Variants in ADGRV1 observed in about 807,000 individuals in gnomAD.
ADGRV1 encodes the protein adhesion G protein-coupled receptor V1.
In ADGRV1, 359 loss-of-function variants were observed where a neutral mutation model predicts 596.2. The ratio of observed to expected loss-of-function variants is 0.60; its 90% CI spans 0.55 to 0.66. ADGRV1 has a LOEUF of 0.66. ADGRV1 is among the 30% of genes least tolerant of loss of function. The pLI is 0.00. For missense variants in ADGRV1, 7,274 were observed against 7,575.6 expected (o/e 0.96, Z 1.48); for synonymous variants, 2,681 against 2,679.2 (o/e 1.00, Z -0.02).
At chr5:90,764,662 C>A (rs1756896636) in intron 59 of ADGRV1, among the ~76,000 whole-genome samples, 1 of 152,130 alleles carries the variant, frequency 6.6e-6, no homozygotes, top group South Asian at 2.1e-4. Flanking sequence ...GGGTTTAGAT[C>A]TTCAGAAGTC....
intron 50 of ADGRV1, among the ~76,000 whole-genome samples, chr5:90,741,414 C>A (rs757335718): frequency 6.6e-6 from 1 of 152,026 alleles, no homozygotes; most frequent in Non-Finnish European, 1.5e-5. Context: ...AATTATGTAT[C>A]TTTCATCATA....
intron 1 of ADGRV1, among the ~76,000 whole-genome samples, chr5:90,606,794 T>G (rs1762160760): frequency 6.6e-6 from 1 of 150,886 alleles, no homozygotes; most frequent in Non-Finnish European, 1.5e-5. Context: ...GGTATTCCCC[T>G]TTATATCATC....
intron 89 of ADGRV1, among the ~76,000 whole-genome samples, chr5:91,155,383 G>A (rs1224876055): frequency 6.6e-6 from 1 of 152,128 alleles, no homozygotes; most frequent in East Asian, 1.9e-4. Context: ...GTGTGGCAGG[G>A]GCAGAGAGTG....
At chr5:90,809,326 A>ACACACACACACACG (rs1762227988) in intron 73 of ADGRV1, among the ~76,000 whole-genome samples, 1 of 151,436 alleles carries the variant, frequency 6.6e-6, no homozygotes, top group African/African-American at 2.4e-5. Flanking sequence ...ACACACACAC[A>ACACACACACACACG]CGCTCTGTCT....
intron 85 of ADGRV1, among the ~76,000 whole-genome samples, chr5:91,024,087 C>T (rs1783844350): frequency 6.6e-6 from 1 of 152,124 alleles, no homozygotes; most frequent in Admixed American, 6.5e-5. Flanking sequence ...GTTCTGAAAT[C>T]TCCCCAGCTG....
At position 90,642,840 on chromosome 5, in the gene ADGRV1, G is replaced by A; in HGVS notation, c.2368-16G>A. 1 of 1,596,846 alleles carries A rather than the reference G, an allele frequency of 6.3e-7. No individual in the cohort carries two copies. Among genetic ancestry groups the A allele is most frequent in the Non-Finnish European group, 8.5e-7 (1 of 1,173,294 alleles). ...GATCTCAAAGGGTTTCAACTTTTGT[G>A]GATTTGTTTTTAAAGGAAGGAGAAT... On this transcript the variant is annotated splice_polypyrimidine_tract_variant and intron_variant, in intron 12 of 89. Coordinates refer to ENST00000405460, the MANE Select transcript of ADGRV1 (RefSeq NM_032119.4).
At chr5:90,889,025 G>A (rs1189448193) in intron 83 of ADGRV1, among the ~76,000 whole-genome samples, 2 of 152,078 alleles carry the variant, frequency 1.3e-5, no homozygotes, top group Non-Finnish European at 2.9e-5. Flanking sequence ...TGTTGAATAA[G>A]GTGTGTACAA....
intron 78 of ADGRV1, among the ~76,000 whole-genome samples, chr5:90,843,875 G>T (rs1409691573): frequency 1.3e-5 from 2 of 152,068 alleles, no homozygotes; most frequent in African/African-American, 4.8e-5. Flanking sequence ...AAAAGTGCAA[G>T]AAATACATAT....
intron 85 of ADGRV1, among the ~76,000 whole-genome samples, chr5:91,062,641 T>TA (rs1787543358): frequency 6.6e-6 from 1 of 152,200 alleles, no homozygotes; most frequent in African/African-American, 2.4e-5. Context: ...AGATCTGCGG[T>TA]ATCCTCTGTC....
At chr5:90,631,601 G>T (rs1227980623) in intron 9 of ADGRV1, among the ~76,000 whole-genome samples, 1 of 152,060 alleles carries the variant, frequency 6.6e-6, no homozygotes, top group Non-Finnish European at 1.5e-5. Context: ...TTCATGTGAT[G>T]CGAGCTTCTG....
chr5:90,725,730 G>T lies in ADGRV1; in HGVS notation c.10161+74G>T, dbSNP rs191390477. ...ACATTATAATTGAAATTTACCAAAG[G>T]TATGGTCTGCTGGTTTAGTATAAAA... On this transcript the variant is annotated intron_variant, in intron 48 of 89. Coordinates refer to ENST00000405460, the MANE Select transcript of ADGRV1 (RefSeq NM_032119.4). 3.5e-5 allele frequency: 30 copies of T among 848,102 alleles called. No homozygotes were observed. The African/African-American group carries it at 4.5e-4, about 13-fold the overall frequency. The allele number at this position is 848,102 out of a possible 1,614,324, so 52.5% of individuals were successfully genotyped here. A position where few individuals can be genotyped will look rare whatever the true frequency, so the allele number is the denominator to read the frequency against.
chr5:91,021,344 T>C (rs1028300509), intron 85 of ADGRV1, among the ~76,000 whole-genome samples: 11 of 152,112 alleles, frequency 7.2e-5, no homozygotes, highest in Admixed American at 4.6e-4. Flanking sequence ...CCTACTGTCT[T>C]TCCCTTGGTG....
chr5:90,774,232 T>A lies in ADGRV1; in HGVS notation c.12332T>A (p.Val4111Glu). The A allele has an allele frequency of 6.2e-7, 1 of 1,611,598 alleles. No homozygotes were observed. The highest frequency in any genetic ancestry group is 8.5e-7 in the Non-Finnish European group (1 of 1,177,928). The change falls in exon 60 of 90, where the codon GTG (valine) becomes GAG (glutamate). Residue 4111 changes from valine (V) to glutamate (E), a missense_variant. Physicochemically the swap from Val to Glu is moderately radical, Grantham distance 121 (BLOSUM62 -2). Transcript: ENST00000405460. ...GTGTTGCACACACTTCAAGACACAG[T>A]GTTGGAGGAGGACAGGCGTTTCACC... ...TIVLHTLQDT[V>E]LEEDRRFTIQ...
chr5:90,757,763 T>C (rs1276591891), intron 57 of ADGRV1, among the ~76,000 whole-genome samples: 1 of 152,230 alleles, frequency 6.6e-6, no homozygotes, highest in African/African-American at 2.4e-5. Flanking sequence ...TTGTAATATG[T>C]AAGAATAAGA....
intron 85 of ADGRV1, among the ~76,000 whole-genome samples, chr5:91,032,004 A>C (rs1272928451): frequency 1.3e-5 from 2 of 151,556 alleles, no homozygotes; most frequent in African/African-American, 2.5e-5. Flanking sequence ...GGAGAATCAG[A>C]AGTGCCACAT....
rs538182313 is a variant in ADGRV1, at chr5:91,098,309, A to G, written c.18311-3910A>G. Among the ~76,000 whole-genome samples the G allele has an allele frequency of 2.3e-4, 34 of 148,810 alleles. No homozygotes were observed. In the East Asian group the frequency reaches 4.9e-3, roughly 22 times the overall value. On this transcript the variant is annotated intron_variant, in intron 86 of 89. Coordinates refer to ENST00000405460, the MANE Select transcript of ADGRV1 (RefSeq NM_032119.4). ...CTTTCATCACCATCACCCCCTCCCAATACCTCTTTCCTTTTGACTTAGGCC... is the reference window on the plus strand; with the variant it reads ...CTTTCATCACCATCACCCCCTCCCAGTACCTCTTTCCTTTTGACTTAGGCC...
intron 20 of ADGRV1, 111 bp from the exon 21 acceptor site, chr5:90,657,794 T>A (rs1434744441): frequency 8.4e-7 from 1 of 1,192,290 alleles, no homozygotes; most frequent in Non-Finnish European, 1.1e-6. Flanking sequence ...AAAAGTTTCA[T>A]TTATCCAAAA....
chr5:90,955,723 G>A (rs1382472506), intron 83 of ADGRV1, among the ~76,000 whole-genome samples: 1 of 152,048 alleles, frequency 6.6e-6, no homozygotes, highest in Non-Finnish European at 1.5e-5. Context: ...CTTTGATGTT[G>A]GCTTCTCTGT....
At chr5:90,818,491 C>G (rs1288783787) in intron 75 of ADGRV1, among the ~76,000 whole-genome samples, 1 of 150,052 alleles carries the variant, frequency 6.7e-6, no homozygotes, top group Non-Finnish European at 1.5e-5. Context: ...CTGTCTTGTG[C>G]CAGTTTTCAA....
Sources: gnomAD v4.1 joint callset for allele counts (sites outside exome capture counted in the v4.1 genomes callset) on GRCh38, gnomAD v4.1.1 for gene constraint, MANE v1.5 for transcripts, NCBI Gene and HGNC (gene_info 2026-07-23, HGNC 2026-07-21) for gene names.